EXOC4: variants seen among roughly 807,000 people sequenced by gnomAD.
EXOC4 encodes the protein exocyst complex component 4, also known as SEC8-like 1.
EXOC4 carries 71 observed loss-of-function variants against 107.2 expected under a neutral mutation model. The ratio of observed to expected loss-of-function variants is 0.66; its 90% CI spans 0.55 to 0.81. EXOC4 has a LOEUF of 0.81. Among genes scored for constraint, EXOC4 ranks in the 30% least tolerant of loss-of-function variants. EXOC4 has a pLI of 0.00. For missense variants in EXOC4, 1,108 were observed against 1,189.6 expected, an observed-to-expected ratio of 0.93 and a Z score of 1.01; for synonymous variants, 456 against 441.2, an observed-to-expected ratio of 1.03 and a Z score of -0.42.
chr7:133,446,831 A>G lies in EXOC4; in HGVS notation c.1183-28497A>G, dbSNP rs570248322. Among the ~76,000 whole-genome samples the G allele has an allele frequency of 6.4e-4, 98 of 152,296 alleles. 1 individual carries two copies. Among genetic ancestry groups the G allele is most frequent in the African/African-American group, 2.1e-3 (87 of 41,562 alleles). ...GTAGAAATAATATTCTTGATTTGCA[A>G]CTATTTTGAGGATGTAGGGTAACAC... is the stretch of plus-strand genomic sequence containing the variant. On this transcript the variant is annotated intron_variant, in intron 7 of 17. Transcript: ENST00000253861.
intron 11 of EXOC4, among the ~76,000 whole-genome samples, chr7:133,877,073 G>A (rs1055696926): frequency 6.6e-6 from 1 of 151,132 alleles, no homozygotes; most frequent in Non-Finnish European, 1.5e-5. Flanking sequence ...TTCGCAGTTC[G>A]CTGACTCTCC....
the EXOC4 span, among the ~76,000 whole-genome samples, chr7:134,080,620 G>A: frequency 5.9e-5 from 9 of 152,010 alleles, no homozygotes; most frequent in African/African-American, 2.2e-4. Flanking sequence ...AATACGGATG[G>A]AGGGAGGTGG....
At chr7:134,080,685 A>G in the EXOC4 span, among the ~76,000 whole-genome samples, 13 of 152,076 alleles carry the variant, frequency 8.5e-5, no homozygotes, top group African/African-American at 3.1e-4. Flanking sequence ...TCTCATGCCC[A>G]TAATCCCATT....
chr7:133,534,260 T>C (rs1800233517), intron 9 of EXOC4, among the ~76,000 whole-genome samples: 1 of 152,214 alleles, frequency 6.6e-6, no homozygotes, highest in African/African-American at 2.4e-5. Flanking sequence ...CATTGAAATG[T>C]ACATTTGCAC....
In EXOC4 at chr7:133,895,709, C is replaced by G. The variant is rs747286445; in HGVS notation, c.1845C>G (p.Tyr615Ter). The G allele has an allele frequency of 6.2e-7, 1 of 1,614,138 alleles. No homozygotes were observed. The highest frequency in any genetic ancestry group is 1.1e-5 in the South Asian group (1 of 91,084). ...TGGTGTGCGTGAAGCTCCAGGAGTA[C>G]AAGGACACCTGCACTGCAGCTTACA... ...LNMVCVKLQEYKDTCTAAYRG... is the reference protein window; with the variant it reads ...LNMVCVKLQE The change falls in exon 12 of 18, where the codon TAC (tyrosine) becomes TAG (stop). Residue 615 changes from tyrosine to a stop codon, truncating the protein, a stop_gained. Coordinates refer to ENST00000253861, the MANE Select transcript of EXOC4 (RefSeq NM_021807.4). LOFTEE classifies it high-confidence loss of function.
chr7:133,460,756 T>C (rs1023061763), intron 7 of EXOC4, among the ~76,000 whole-genome samples: 4 of 152,144 alleles, frequency 2.6e-5, no homozygotes, highest in Non-Finnish European at 4.4e-5. Context: ...CAGAATCTTG[T>C]AGATGCAAGA....
intron 6 of EXOC4, among the ~76,000 whole-genome samples, chr7:133,366,121 G>A (rs758983728): frequency 6.6e-6 from 1 of 152,142 alleles, no homozygotes; most frequent in Admixed American, 6.5e-5. Flanking sequence ...CTAATTCAAG[G>A]TTCCCTGGAT....
chr7:134,057,402 A>G (rs999007017), intron 17 of EXOC4, among the ~76,000 whole-genome samples: 2 of 145,728 alleles, frequency 1.4e-5, no homozygotes, highest in African/African-American at 5.4e-5. Context: ...TACAGAATAT[A>G]TACCTAATTG....
intron 13 of EXOC4, among the ~76,000 whole-genome samples, chr7:133,924,548 TTG>T (rs1800009651): frequency 6.6e-6 from 1 of 152,198 alleles, no homozygotes; most frequent in South Asian, 2.1e-4. Flanking sequence ...GCTCACTGAG[TTG>T]TATCACTTTC....
intron 5 of EXOC4, among the ~76,000 whole-genome samples, chr7:133,338,943 G>T (rs1005118790): frequency 5.9e-5 from 9 of 151,782 alleles, no homozygotes; most frequent in Non-Finnish European, 8.8e-5. Flanking sequence ...TTAGGGACTG[G>T]GTTTCTCCAT....
chr7:133,778,862 C>G (rs1448244812), intron 10 of EXOC4, among the ~76,000 whole-genome samples: 1 of 152,136 alleles, frequency 6.6e-6, no homozygotes, highest in Non-Finnish European at 1.5e-5. Context: ...TCTGATTTAG[C>G]CTCACATGGG....
rs374961055 is a variant in EXOC4, at chr7:133,356,513, C to G, written c.947C>G (p.Thr316Ser). ...ELKQIVKRST[T>S]QVADSGYQRG... is the part of the protein sequence containing the mutation. ...AAGCAAATTGTGAAGAGGTCTACAA[C>G]CCAGGTGGCAGACAGTGGCTATCAG... is the stretch of plus-strand genomic sequence containing the variant. The change falls in exon 6 of 18, where the codon ACC becomes AGC. Residue 316 changes from threonine to serine, a missense_variant. Transcript: ENST00000253861. 1 of 1,614,088 alleles carries G rather than the reference C, an allele frequency of 6.2e-7. No individual in the cohort carries two copies. Among genetic ancestry groups the G allele is most frequent in the Non-Finnish European group, 8.5e-7 (1 of 1,179,982 alleles).
intron 10 of EXOC4, among the ~76,000 whole-genome samples, chr7:133,751,325 C>T (rs1053993748): frequency 2.0e-5 from 3 of 152,138 alleles, no homozygotes; most frequent in African/African-American, 7.2e-5. Flanking sequence ...CAGCTCAAGA[C>T]TTCTGCTTGA....
At chr7:133,895,798 G>C in intron 12 of EXOC4, 63 bp downstream of exon 12, 1 of 1,552,572 alleles carries the variant, frequency 6.4e-7, no homozygotes, top group South Asian at 1.2e-5. Context: ...TCCAATTGGT[G>C]AAATTGCTTC....
At position 133,995,726 on chromosome 7, in the gene EXOC4, C is replaced by A. The variant is rs371533881; in HGVS notation, c.2207-1766C>A. Among the ~76,000 whole-genome samples the A allele has an allele frequency of 3.7e-4, 56 of 152,136 alleles. No individual in the cohort carries two copies. In the Middle Eastern group the frequency reaches 0.01, roughly 28 times the overall value. ...ACTACATTCTTTTTTTTTATGTTTGCCATGTTATTTTAATTTATTAGAGTC... is the reference window on the plus strand; with the variant it reads ...ACTACATTCTTTTTTTTTATGTTTGACATGTTATTTTAATTTATTAGAGTC... On this transcript the variant is annotated intron_variant, in intron 14 of 17. Transcript: ENST00000253861.
chr7:133,914,776 C>T (rs1799768925), intron 12 of EXOC4, among the ~76,000 whole-genome samples: 1 of 152,122 alleles, frequency 6.6e-6, no homozygotes, highest in Non-Finnish European at 1.5e-5. Flanking sequence ...GGATAAGTTC[C>T]ATTGAAGTAG....
At chr7:134,042,669 T>A (rs559473903) in intron 17 of EXOC4, among the ~76,000 whole-genome samples, 1 of 152,222 alleles carries the variant, frequency 6.6e-6, no homozygotes, top group Non-Finnish European at 1.5e-5. Flanking sequence ...GCCCTGCTGC[T>A]GATTAGCTGT....
At chr7:133,940,563 G>A (rs1457602495) in intron 14 of EXOC4, among the ~76,000 whole-genome samples, 1 of 152,142 alleles carries the variant, frequency 6.6e-6, no homozygotes, top group East Asian at 1.9e-4. Flanking sequence ...CACTACTTAT[G>A]GTGTCTGCTA....
chr7:134,007,724 T>TG lies in EXOC4; in HGVS notation c.2576_2577insG (p.Phe859LeufsTer6). The TG allele has an allele frequency of 6.2e-7, 1 of 1,613,556 alleles. No individual in the cohort carries two copies. The highest frequency in any genetic ancestry group is 8.5e-7 in the Non-Finnish European group (1 of 1,179,734). On this transcript the variant is annotated frameshift_variant, in exon 17 of 18. Coordinates refer to ENST00000253861, the MANE Select transcript of EXOC4 (RefSeq NM_021807.4). LOFTEE classifies it high-confidence loss of function. ...ATCCTCATTAATGGTGCCCAGTACT[T>TG]CAGGCGCATCAGTGAGTCTGGCATC...
Sources: gnomAD v4.1 joint callset for allele counts (sites outside exome capture counted in the v4.1 genomes callset) on GRCh38, gnomAD v4.1.1 for gene constraint, MANE v1.5 for transcripts, NCBI Gene and HGNC (gene_info 2026-07-23, HGNC 2026-07-21) for gene names.